The following RERE variants were observed in gnomAD, a reference collection of about 807,000 sequenced individuals.
The protein encoded by RERE is arginine-glutamic acid dipeptide repeats, also known as arginine-glutamic acid dipeptide repeats protein.
RERE carries 40 observed loss-of-function variants against 146.1 expected under a neutral mutation model. The ratio of observed to expected loss-of-function variants is 0.27; its 90% CI spans 0.21 to 0.36. The LOEUF is 0.36. Among genes scored for constraint, RERE ranks in the 10% least tolerant of loss-of-function variants. RERE has a pLI of 1.00. For missense variants in RERE, 1,933 were observed against 2,138.7 expected, an observed-to-expected ratio of 0.90 and a Z score of 1.90; for synonymous variants, 1,003 against 866.0, an observed-to-expected ratio of 1.16 and a Z score of -2.78.
At chr1:8,513,555 G>C (rs1036566705) in intron 7 of RERE, among the ~76,000 whole-genome samples, 12 of 152,140 alleles carry the variant, frequency 7.9e-5, no homozygotes, top group Admixed American at 3.3e-4. Flanking sequence ...GAGGTGGGAG[G>C]ATCACTTGAG....
chr1:8,593,283 C>G (rs924361404), intron 4 of RERE, among the ~76,000 whole-genome samples: 6 of 152,124 alleles, frequency 3.9e-5, no homozygotes, highest in Non-Finnish European at 7.4e-5. Context: ...CAGCTGTGTC[C>G]CCACCCAAAT....
At chr1:8,386,022 A>ATTTTTTTTT (rs60050106) in intron 12 of RERE, among the ~76,000 whole-genome samples, 3 of 26,634 alleles carry the variant, frequency 1.1e-4, no homozygotes, top group Non-Finnish European at 1.2e-4. Context: ...ATATATATAT[A>ATTTTTTTTT]TTTTTTTTTT....
At chr1:8,608,254 G>C (rs986810305) in intron 4 of RERE, among the ~76,000 whole-genome samples, 2 of 152,120 alleles carry the variant, frequency 1.3e-5, no homozygotes, top group Non-Finnish European at 2.9e-5. Context: ...TGTAATCTTA[G>C]CACTTTGGGG....
chr1:8,617,383 T>TAAAAAAAAA (rs1288225224), intron 3 of RERE, among the ~76,000 whole-genome samples: 4 of 140,566 alleles, frequency 2.8e-5, no homozygotes, highest in African/African-American at 1.1e-4. Flanking sequence ...TCTTAACTCT[T>TAAAAAAAAA]AAAGAATTAA....
intron 1 of RERE, among the ~76,000 whole-genome samples, chr1:8,766,509 T>G (rs1640848166): frequency 7.4e-6 from 1 of 135,350 alleles, no homozygotes; most frequent in Admixed American, 8.4e-5. Flanking sequence ...ATTACACCAC[T>G]GCCCTCCAGC....
intron 1 of RERE, among the ~76,000 whole-genome samples, chr1:8,721,787 T>C (rs1639868790): frequency 6.6e-6 from 1 of 152,218 alleles, no homozygotes; most frequent in South Asian, 2.1e-4. Context: ...TGCTTAAATA[T>C]GTAAGATGGG....
At chr1:8,749,430 A>C (rs1640486563) in intron 1 of RERE, among the ~76,000 whole-genome samples, 1 of 149,126 alleles carries the variant, frequency 6.7e-6, no homozygotes, top group African/African-American at 2.5e-5. Context: ...TTGCTCTGGA[A>C]AAAAAAAAAA....
At chr1:8,780,463 C>G (rs1275543723) in intron 1 of RERE, among the ~76,000 whole-genome samples, 3 of 152,198 alleles carry the variant, frequency 2.0e-5, no homozygotes, top group African/African-American at 7.2e-5. Flanking sequence ...ATTTTTAACT[C>G]TAGGACCTCA....
At chr1:8,378,916 T>C (rs1642353269) in intron 12 of RERE, among the ~76,000 whole-genome samples, 1 of 152,152 alleles carries the variant, frequency 6.6e-6, no homozygotes, top group Non-Finnish European at 1.5e-5. Flanking sequence ...TGCAGTCTGC[T>C]GGGGGAGAAG....
intron 12 of RERE, among the ~76,000 whole-genome samples, chr1:8,416,451 T>G (rs574394003): frequency 1.3e-5 from 2 of 151,816 alleles, no homozygotes; most frequent in Admixed American, 1.3e-4. Flanking sequence ...CCAGGCGTGG[T>G]GGCGGGCGCC....
rs1646831873 is a variant in RERE at position 8,614,761 on chromosome 1, A to C, written c.397-75T>G. ...CCTGGTTATTAGGGGCACGCAGCAC[A>C]CAAGTCGGTATCTGCAAAAACTCTT... On this transcript the variant is annotated intron_variant, in intron 3 of 22. Coordinates refer to ENST00000400908, the MANE Select transcript of RERE (RefSeq NM_001042681.2). 109 of 1,496,418 alleles carry C rather than the reference A, an allele frequency of 7.3e-5. No individual in the cohort carries two copies. In the South Asian group the frequency reaches 1.4e-3, roughly 19 times the overall value. The allele number at this position is 1,496,418 out of a possible 1,614,324, so 92.7% of individuals were successfully genotyped here.
chr1:8,470,248 A>T (rs1644662546), intron 10 of RERE, among the ~76,000 whole-genome samples: 1 of 152,114 alleles, frequency 6.6e-6, no homozygotes, highest in Non-Finnish European at 1.5e-5. Context: ...GGGATTATTT[A>T]CCCAAAGTGA....
chr1:8,630,375 GAACA>G (rs1490665859), intron 2 of RERE, among the ~76,000 whole-genome samples: 1 of 151,488 alleles, frequency 6.6e-6, no homozygotes, highest in East Asian at 1.9e-4. Context: ...ATTATATGAG[GAACA>G]AACAAACTAA....
chr1:8,493,906 A>G (rs189849018), intron 10 of RERE, among the ~76,000 whole-genome samples: 1 of 152,328 alleles, frequency 6.6e-6, no homozygotes, highest in Admixed American at 6.5e-5. Context: ...TAGTAATGAT[A>G]GAGAGGAATT....
chr1:8,650,891 A>C (rs1647592021), intron 2 of RERE, among the ~76,000 whole-genome samples: 2 of 104,790 alleles, frequency 1.9e-5, no homozygotes, highest in Admixed American at 1.9e-4. Flanking sequence ...GTGAGACTCC[A>C]TCTCAAAAAA....
At chr1:8,574,855 T>C (rs921373848) in intron 4 of RERE, among the ~76,000 whole-genome samples, 4 of 152,204 alleles carry the variant, frequency 2.6e-5, no homozygotes, top group Non-Finnish European at 4.4e-5. Context: ...GACAGATGTG[T>C]TCACTATATG....
At chr1:8,693,519 T>G (rs1639254349) in intron 1 of RERE, among the ~76,000 whole-genome samples, 1 of 152,142 alleles carries the variant, frequency 6.6e-6, no homozygotes, top group African/African-American at 2.4e-5. Context: ...ATGAGTCCAG[T>G]TATATGACAT....
intron 1 of RERE, chr1:8,751,024 C>A: frequency 1.6e-6 from 1 of 625,406 alleles, no homozygotes. Flanking sequence ...TTGGAAAATG[C>A]TTCAAGGAAG....
chr1:8,355,228 C>G, intron 22 of RERE, 108 bp from the exon 23 acceptor site: 1 of 1,275,318 alleles, frequency 7.8e-7, no homozygotes, highest in Non-Finnish European at 1.1e-6. Flanking sequence ...ACCCCAAGCC[C>G]GCAGCCTCCT....
Sources: allele counts gnomAD v4.1 joint callset (sites outside exome capture counted in the v4.1 genomes callset), GRCh38; gene constraint gnomAD v4.1.1; transcripts MANE v1.5; gene names NCBI Gene and HGNC (gene_info 2026-07-23, HGNC 2026-07-21).